Variants in GRIN2C observed in about 807,000 individuals in gnomAD.
GRIN2C encodes the protein glutamate ionotropic receptor NMDA type subunit 2C, also known as glutamate receptor ionotropic, NMDA 2C.
In GRIN2C, 64 loss-of-function variants were observed where a neutral mutation model predicts 77.7. The ratio of observed to expected loss-of-function variants is 0.82; its 90% confidence interval spans 0.67 to 1.01. The LOEUF is 1.01. Ranked by LOEUF, GRIN2C falls within the 50% of genes least tolerant of loss-of-function variation. The pLI is 0.00. For missense variants in GRIN2C, 1,549 were observed against 1,486.0 expected (o/e 1.04, Z -0.70); for synonymous variants, 792 against 643.4 (o/e 1.23, Z -3.49).
In GRIN2C at chr17:74,850,170, G is replaced by C; in HGVS notation, c.1491+36C>G. 2 of 1,607,898 alleles carry C rather than the reference G, an allele frequency of 1.2e-6. No individual in the cohort carries two copies. Among genetic ancestry groups the C allele is most frequent in the Non-Finnish European group, 1.7e-6 (2 of 1,176,832 alleles). Reference sequence around the variant, plus strand: ...TGGGGCCTGGGCAGCAGGTGGGCAGGCAGGGCAGGTGAGGAGGGAGTGGGG... The same window carrying C: ...TGGGGCCTGGGCAGCAGGTGGGCAGCCAGGGCAGGTGAGGAGGGAGTGGGG... On this transcript the variant is annotated intron_variant, in intron 6 of 12. Transcript: ENST00000293190. This position sits in a 1 kb window ranked among gnomAD's most constrained non-coding sequence, Gnocchi z 5.3.
Position 74,842,676 on chromosome 17 carries a change from T to G in GRIN2C, c.3461A>C (p.His1154Pro). Residue 1154 changes from histidine (H) to proline (P), a missense_variant, in exon 13 of 13, where the codon CAC (histidine) becomes CCC (proline). His to Pro is a moderately conservative substitution (Grantham distance 77). Transcript: ENST00000293190. ...QHRQHVCLHA[H>P]AHLPFCWGAV... ...CCCCCAGCAAAATGGCAGGTGGGCGTGGGCGTGCAGGCAGACGTGCTGTCT... is the reference window on the plus strand; with the variant it reads ...CCCCCAGCAAAATGGCAGGTGGGCGGGGGCGTGCAGGCAGACGTGCTGTCT... 1 of 734,068 alleles carries G rather than the reference T, an allele frequency of 1.4e-6. No individual in the cohort carries two copies. 45.5% of individuals were successfully genotyped at this position (734,068 alleles called of 1,614,324 possible). A position where few individuals can be genotyped will look rare whatever the true frequency, so the allele number is the denominator to read the frequency against.
chr17:74,852,088 C>T lies in GRIN2C; in HGVS notation c.923G>A (p.Gly308Glu), dbSNP rs1305384157. Reference sequence around the variant, plus strand: ...GTCCCCGGCCGGGGCTGGCAGGGTTCCATGCTGGCGCCAGTAGCTGTGGGC... The same window carrying T: ...GTCCCCGGCCGGGGCTGGCAGGGTTTCATGCTGGCGCCAGTAGCTGTGGGC... ...LGAHSYWRQH[G>E]TLPAPAGDCR... The change falls in exon 3 of 13, where the codon GGA (glycine) becomes GAA (glutamate). Residue 308 changes from glycine to glutamate, a missense_variant. Physicochemically the swap from Gly to Glu is moderately conservative, Grantham distance 98. Around this residue, in one of 3 missense-constraint regions of GRIN2C, gnomAD observed 717 missense variants for 858.1 expected, o/e 0.84. Transcript: ENST00000293190. The T allele has an allele frequency of 6.8e-7, 1 of 1,467,344 alleles. No homozygotes were observed. Among genetic ancestry groups the T allele is most frequent in the Non-Finnish European group, 9.0e-7 (1 of 1,108,162 alleles). The allele number at this position is 1,467,344 out of a possible 1,614,324, so 90.9% of individuals were successfully genotyped here.
rs754716736 is a variant in GRIN2C at position 74,847,946 on chromosome 17, CAT to C, written c.1675_1676del (p.Met559ValfsTer106). 4 of 1,614,022 alleles carry C rather than the reference CAT, an allele frequency of 2.5e-6. No individual in the cohort carries two copies. Among genetic ancestry groups the C allele is most frequent in the Non-Finnish European group, 3.4e-6 (4 of 1,179,988 alleles). On this transcript the variant is annotated frameshift_variant, in exon 8 of 13. Transcript: ENST00000293190. LOFTEE classifies it high-confidence loss of function. This position sits in a 1 kb window ranked among gnomAD's most constrained non-coding sequence, Gnocchi z 5.2. ...EPYSPAVWVM[M>X]FVMCLTVVAI... ...CCACCACAGTGAGGCACATGACAAA[CAT>C]CATCACCCACACTGCAGGGCTATAT... is the stretch of plus-strand genomic sequence containing the variant.
chr17:74,857,760 T>C (rs754368767), intron 1 of GRIN2C, among the ~76,000 whole-genome samples: 38 of 152,202 alleles, frequency 2.5e-4, no homozygotes, highest in Non-Finnish European at 2.1e-4. Flanking sequence ...TACACGACTA[T>C]TGGGTACCAG....
Position 74,847,398 on chromosome 17 carries a change from G to A in GRIN2C, c.1911C>T (p.Val637=), listed in dbSNP as rs1265756560. The change falls in exon 9 of 13, where the codon GTC becomes GTT. Residue 637 remains valine (V), a synonymous_variant. Coordinates refer to ENST00000293190, the MANE Select transcript of GRIN2C (RefSeq NM_000835.6). The surrounding 1 kb of genome is among the most constrained non-coding windows in gnomAD (Gnocchi z 5.2). ...TGGCCGTGTAGCTGGCGAGGAAGAT[G>A]ACAGCAAAGAAGGCCCAGACCAGAA... The part of the protein sequence containing the change: ...IMVLVWAFFA[V]IFLASYTANL... 3 of 1,613,974 alleles carry A rather than the reference G, an allele frequency of 1.9e-6. No homozygotes were observed. The highest frequency in any genetic ancestry group is 2.5e-6 in the Non-Finnish European group (3 of 1,180,008).
rs1368554057 is a variant in GRIN2C at position 74,856,478 on chromosome 17, TC to T, written c.-15-1372del. Among the ~76,000 whole-genome samples the T allele has an allele frequency of 5.3e-3, 422 of 80,030 alleles. 4 individuals are homozygous for T. The highest frequency in any genetic ancestry group is 0.017 in the African/African-American group (397 of 23,816). The allele number at this position is 80,030 out of a possible 152,430, so 52.5% of individuals were successfully genotyped here. On this transcript the variant is annotated intron_variant, in intron 1 of 12. Transcript: ENST00000293190. The stretch of plus-strand genomic sequence containing the variant: ...TTGCCTGCCACCAAATTTCTCTCTC[TC>T]TCTTTTTTTTTTTTTTTGAGACAGA...
In GRIN2C at chr17:74,843,874, C is replaced by CTT. The variant is rs60038024; in HGVS notation, c.2584-323_2584-322dup. On this transcript the variant is annotated intron_variant, in intron 12 of 12. Coordinates refer to ENST00000293190, the MANE Select transcript of GRIN2C (RefSeq NM_000835.6). The stretch of plus-strand genomic sequence containing the variant: ...GCCATGCCACTTCTCAGGACGTTGG[C>CTT]TTTTTTTTTTTTTTTTAGAAACAGG... Among the ~76,000 whole-genome samples the CTT allele has an allele frequency of 2.4e-3, 330 of 139,734 alleles. 1 individual carries two copies. The highest frequency in any genetic ancestry group is 3.6e-3 in the Middle Eastern group (1 of 274). The allele number at this position is 139,734 out of a possible 152,430, so 91.7% of individuals were successfully genotyped here. A position where few individuals can be genotyped will look rare whatever the true frequency, so the allele number is the denominator to read the frequency against.
rs1432293500 is a variant in GRIN2C at position 74,845,245 on chromosome 17, T to C, written c.2351-737A>G. On this transcript the variant is annotated intron_variant, in intron 11 of 12. Transcript: ENST00000293190. ...TCACCTGGCCGCTCTCATTATTATATGGTTTGAGAAATCAGATTTTTTTTT... is the reference window on the plus strand; with the variant it reads ...TCACCTGGCCGCTCTCATTATTATACGGTTTGAGAAATCAGATTTTTTTTT... Among the ~76,000 whole-genome samples, 2 of 146,952 alleles carry C rather than the reference T, an allele frequency of 1.4e-5. 1 individual carries two copies. Among genetic ancestry groups the C allele is most frequent in the Admixed American group, 1.4e-4 (2 of 14,464 alleles).
rs1215901464 is a variant in GRIN2C, at chr17:74,850,120, C to G, written c.1491+86G>C. ...ATCATTGGTGACAGCCCATGCCCCC[C>G]TCTAGAGGGCATCTGAGAGCCACAT... On this transcript the variant is annotated intron_variant, in intron 6 of 12. Transcript: ENST00000293190. This position sits in a 1 kb window ranked among gnomAD's most constrained non-coding sequence, Gnocchi z 5.3. The G allele has an allele frequency of 6.7e-7, 1 of 1,483,270 alleles. No homozygotes were observed. The highest frequency in any genetic ancestry group is 1.7e-5 in the Admixed American group (1 of 58,966). The allele number at this position is 1,483,270 out of a possible 1,614,324, so 91.9% of individuals were successfully genotyped here.
chr17:74,843,693 G>A (rs11652088), intron 12 of GRIN2C, 140 bp from the exon 13 acceptor site: 638,643 of 1,105,708 alleles, frequency 0.58, 193,194 homozygotes, highest in Non-Finnish European at 0.63. Flanking sequence ...TCTCCCATGC[G>A]CCAGGCACTG....
chr17:74,858,976 C>T (rs774320619), intron 1 of GRIN2C, among the ~76,000 whole-genome samples: 1 of 152,172 alleles, frequency 6.6e-6, no homozygotes, highest in Non-Finnish European at 1.5e-5. Flanking sequence ...GCAGGGACTG[C>T]GGCCAGGCTG....
chr17:74,849,917 G>T lies in GRIN2C; in HGVS notation c.1508C>A (p.Ala503Glu). 1 of 1,613,300 alleles carries T rather than the reference G, an allele frequency of 6.2e-7. No individual in the cohort carries two copies. The highest frequency in any genetic ancestry group is 8.5e-7 in the Non-Finnish European group (1 of 1,179,738). Residue 503 changes from alanine (A) to glutamate (E), a missense_variant, in exon 7 of 13, where the codon GCA (alanine) becomes GAA (glutamate). By Grantham distance (107) the Ala-to-Glu change is moderately radical. This residue lies in a region of GRIN2C where 717 missense variants were observed against 858.1 expected (regional missense o/e 0.84). Transcript: ENST00000293190. This position sits in a 1 kb window ranked among gnomAD's most constrained non-coding sequence, Gnocchi z 4.6. Reference sequence around the variant, plus strand: ...GGTGAGGGAGCCGATGGCCATGTCTGCCCGCTTGTAGTACACCTGGGGGCC... The same window carrying T: ...GGTGAGGGAGCCGATGGCCATGTCTTCCCGCTTGTAGTACACCTGGGGGCC... The part of the protein sequence containing the change: ...GMIGEVYYKR[A>E]DMAIGSLTIN...
Position 74,850,073 on chromosome 17 carries a change from A to G in GRIN2C, c.1491+133T>C. ...CTGGGGCCCTCAGAGCTCAGCTTTC[A>G]GTACTGACCACCCCAGGAGTCATCA... On this transcript the variant is annotated intron_variant, in intron 6 of 12. Coordinates refer to ENST00000293190, the MANE Select transcript of GRIN2C (RefSeq NM_000835.6). This position sits in a 1 kb window ranked among gnomAD's most constrained non-coding sequence, Gnocchi z 5.3. 1 of 1,341,296 alleles carries G rather than the reference A, an allele frequency of 7.5e-7. No homozygotes were observed. The highest frequency in any genetic ancestry group is 1.3e-5 in the South Asian group (1 of 76,524). 83.1% of individuals were successfully genotyped at this position (1,341,296 alleles called of 1,614,324 possible). A position where few individuals can be genotyped will look rare whatever the true frequency, so the allele number is the denominator to read the frequency against.
chr17:74,855,239 G>A (rs1163313762), intron 1 of GRIN2C, 132 bp from the exon 2 acceptor site: 1 of 670,588 alleles, frequency 1.5e-6, no homozygotes, highest in African/African-American at 1.8e-5. Context: ...CCTCCCCGAA[G>A]AGAGGCGGAG....
At position 74,849,221 on chromosome 17, in the gene GRIN2C, C is replaced by G. The variant is rs2037555535; in HGVS notation, c.1645+559G>C. On this transcript the variant is annotated intron_variant, in intron 7 of 12. Coordinates refer to ENST00000293190, the MANE Select transcript of GRIN2C (RefSeq NM_000835.6). The surrounding 1 kb of genome is among the most constrained non-coding windows in gnomAD (Gnocchi z 4.6). The stretch of plus-strand genomic sequence containing the variant: ...GGACAGGGCAGAGCCGGGGTTTCCA[C>G]TCCTGTCTGGCCAGCCTCAGCTCTT... 6.6e-6 allele frequency among the ~76,000 whole-genome samples: 1 copy of G among 152,098 alleles called. No individual in the cohort carries two copies. Among genetic ancestry groups the G allele is most frequent in the South Asian group, 2.1e-4 (1 of 4,830 alleles).
Position 74,849,054 on chromosome 17 carries a change from G to A in GRIN2C, c.1645+726C>T, listed in dbSNP as rs2037547733. On this transcript the variant is annotated intron_variant, in intron 7 of 12. Coordinates refer to ENST00000293190, the MANE Select transcript of GRIN2C (RefSeq NM_000835.6). The surrounding 1 kb of genome is among the most constrained non-coding windows in gnomAD (Gnocchi z 4.6). The stretch of plus-strand genomic sequence containing the variant: ...GGAAGGAAAGAAGAAAGGAAGAGTG[G>A]GAAGGAGAGAGGGAGGGAGGGAGGG... 6.6e-6 allele frequency among the ~76,000 whole-genome samples: 1 copy of A among 151,682 alleles called. No homozygotes were observed. Among genetic ancestry groups the A allele is most frequent in the African/African-American group, 2.4e-5 (1 of 41,362 alleles).
chr17:74,850,591 G>A lies in GRIN2C; in HGVS notation c.1290C>T (p.Thr430=), dbSNP rs201558196. 1.1e-5 allele frequency: 18 copies of A among 1,613,538 alleles called. No individual in the cohort carries two copies. Among genetic ancestry groups the A allele is most frequent in the African/African-American group, 5.3e-5 (4 of 75,026 alleles). ...DPGTGGCVPN[T]VPCRRQSNHT... ...GGTTGCTCTGCCTGCGGCAGGGCACGGTGTTGGGGACACAGCCTCCTGTGC... is the reference window on the plus strand; with the variant it reads ...GGTTGCTCTGCCTGCGGCAGGGCACAGTGTTGGGGACACAGCCTCCTGTGC... Residue 430 remains threonine (T), a synonymous_variant, in exon 5 of 13, where the codon ACC becomes ACT. Coordinates refer to ENST00000293190, the MANE Select transcript of GRIN2C (RefSeq NM_000835.6). The surrounding 1 kb of genome is among the most constrained non-coding windows in gnomAD (Gnocchi z 5.3).
In GRIN2C at chr17:74,846,271, C is replaced by T. The variant is rs535643439; in HGVS notation, c.2163-18G>A. On this transcript the variant is annotated intron_variant, in intron 10 of 12. Coordinates refer to ENST00000293190, the MANE Select transcript of GRIN2C (RefSeq NM_000835.6). The surrounding 1 kb of genome is among the most constrained non-coding windows in gnomAD (Gnocchi z 4.4). The stretch of plus-strand genomic sequence containing the variant: ...CCAGCTTCCTGGGGACAGGCTGAGC[C>T]TCAGAGCTAGGGACCATATGGGAGG... 3 of 1,612,754 alleles carry T rather than the reference C, an allele frequency of 1.9e-6. No individual in the cohort carries two copies. In the South Asian group the frequency reaches 3.3e-5, roughly 18 times the overall value.
In GRIN2C at chr17:74,849,341, C is replaced by T. The variant is rs994127547; in HGVS notation, c.1645+439G>A. ...GGGAACTTTGGGAAGGCAAAGACTA[C>T]GCTGTAGCCCCAGCACCCAGCATGG... On this transcript the variant is annotated intron_variant, in intron 7 of 12. Coordinates refer to ENST00000293190, the MANE Select transcript of GRIN2C (RefSeq NM_000835.6). The surrounding 1 kb of genome is among the most constrained non-coding windows in gnomAD (Gnocchi z 4.6). Among the ~76,000 whole-genome samples the T allele has an allele frequency of 8.5e-5, 13 of 152,302 alleles. 1 individual carries two copies. The highest frequency in any genetic ancestry group is 2.6e-4 in the African/African-American group (11 of 41,562).
Sources: allele counts gnomAD v4.1 joint callset (sites outside exome capture counted in the v4.1 genomes callset), GRCh38; gene constraint gnomAD v4.1.1; regional missense constraint gnomAD v4.1.1; non-coding constraint Gnocchi (gnomAD v3.1); transcripts MANE v1.5; gene names NCBI Gene and HGNC (gene_info 2026-07-23, HGNC 2026-07-21).